NME7: variants seen among roughly 807,000 people sequenced by gnomAD.
The protein encoded by NME7 is NME/NM23 family member 7.
In NME7, 41 loss-of-function variants were observed where a neutral mutation model predicts 49.1. The observed-to-expected ratio is 0.83, with a 90% CI of 0.65 to 1.08. The LOEUF is 1.08. Ranked by LOEUF, NME7 falls within the 50% of genes least tolerant of loss-of-function variation. NME7 has a pLI of 0.00. For missense variants in NME7, 423 were observed against 463.4 expected, an observed-to-expected ratio of 0.91 and a Z score of 0.80; for synonymous variants, 139 against 150.6, an observed-to-expected ratio of 0.92 and a Z score of 0.56.
chr1:169,325,810 C>A (rs1367120263), intron 1 of NME7, among the ~76,000 whole-genome samples: 1 of 152,044 alleles, frequency 6.6e-6, no homozygotes, highest in Non-Finnish European at 1.5e-5. Flanking sequence ...ATTTTTCCCA[C>A]AATCATCCAA....
chr1:169,196,460 AT>A (rs1176137386), intron 10 of NME7, among the ~76,000 whole-genome samples: 4 of 152,118 alleles, frequency 2.6e-5, no homozygotes, highest in African/African-American at 9.7e-5. Flanking sequence ...GAGAAAAGGG[AT>A]TTTTTTGTGC....
rs114126193 is a variant in NME7, at chr1:169,249,420, T to C, written c.755-11733A>G. Among the ~76,000 whole-genome samples, 944 of 152,220 alleles carry C rather than the reference T, an allele frequency of 6.2e-3. 10 individuals carry two copies. Among genetic ancestry groups the C allele is most frequent in the African/African-American group, 0.021 (889 of 41,566 alleles). ...GTTTTCTAGGTATACAGTCATATTA[T>C]TCATGAACAGCAATAGCTTGATGTC... On this transcript the variant is annotated intron_variant, in intron 7 of 11. Coordinates refer to ENST00000367811, the MANE Select transcript of NME7 (RefSeq NM_013330.5).
chr1:169,213,498 C>T (rs1465613605), intron 10 of NME7, among the ~76,000 whole-genome samples: 3 of 151,966 alleles, frequency 2.0e-5, no homozygotes, highest in African/African-American at 2.4e-5. Context: ...TGTATTATTC[C>T]CCTTTAATAT....
intron 7 of NME7, chr1:169,284,297 C>A (rs894143054): frequency 3.3e-5 from 5 of 152,080 alleles, no homozygotes; most frequent in Non-Finnish European, 7.4e-5. Context: ...TCAGCTCCAT[C>A]AGGTCATTCA....
intron 10 of NME7, among the ~76,000 whole-genome samples, chr1:169,221,762 T>C (rs555561518): frequency 4.6e-5 from 7 of 152,096 alleles, no homozygotes; most frequent in African/African-American, 1.7e-4. Context: ...TCTCACTCTG[T>C]CAGTCAGGCT....
intron 1 of NME7, among the ~76,000 whole-genome samples, chr1:169,365,127 A>G (rs1331860263): frequency 6.6e-6 from 1 of 152,016 alleles, no homozygotes; most frequent in African/African-American, 2.4e-5. Flanking sequence ...TAGTCCTATG[A>G]CTCTCACCTA....
intron 1 of NME7, among the ~76,000 whole-genome samples, chr1:169,367,474 C>CTAACAG (rs1653917349): frequency 1.3e-5 from 2 of 152,288 alleles, no homozygotes; most frequent in Admixed American, 1.3e-4. Context: ...ATGCCTTACC[C>CTAACAG]TAAATTTTCT....
intron 1 of NME7, among the ~76,000 whole-genome samples, chr1:169,347,390 G>A (rs979907022): frequency 2.0e-5 from 3 of 152,070 alleles, no homozygotes; most frequent in African/African-American, 7.2e-5. Context: ...ATACATTCCA[G>A]GTAGACAAAA....
chr1:169,252,901 G>A (rs1648699014), intron 7 of NME7, among the ~76,000 whole-genome samples: 3 of 149,456 alleles, frequency 2.0e-5, no homozygotes, highest in Non-Finnish European at 4.4e-5. Context: ...TGAGGGCTCT[G>A]TTCTGTTCCA....
chr1:169,362,314 T>C (rs529338735), intron 1 of NME7, among the ~76,000 whole-genome samples: 27 of 152,360 alleles, frequency 1.8e-4, no homozygotes, highest in African/African-American at 6.3e-4. Flanking sequence ...AGTCCTTTAT[T>C]ACACTAACAG....
chr1:169,229,749 T>C (rs1417112195), intron 10 of NME7, among the ~76,000 whole-genome samples: 2 of 151,978 alleles, frequency 1.3e-5, no homozygotes, highest in Non-Finnish European at 1.5e-5. Context: ...TCACCTGAGG[T>C]CAGGAGTTCA....
intron 1 of NME7, among the ~76,000 whole-genome samples, chr1:169,328,494 G>A (rs1370718142): frequency 6.6e-6 from 1 of 152,102 alleles, no homozygotes; most frequent in East Asian, 1.9e-4. Context: ...CTGGATTTGT[G>A]ATGATGCAGC....
At chr1:169,292,156 T>C (rs571217432) in intron 6 of NME7, among the ~76,000 whole-genome samples, 2 of 152,288 alleles carry the variant, frequency 1.3e-5, no homozygotes, top group East Asian at 3.9e-4. Context: ...ATTGTGATCA[T>C]ACCTTGCACC....
At chr1:169,141,041 A>G (rs1163713283) in intron 11 of NME7, among the ~76,000 whole-genome samples, 1 of 152,296 alleles carries the variant, frequency 6.6e-6, no homozygotes, top group Admixed American at 6.5e-5. Flanking sequence ...ATTAACCCTA[A>G]TCTCATCTTT....
chr1:169,196,680 G>A (rs1288781832), intron 10 of NME7, among the ~76,000 whole-genome samples: 1 of 152,156 alleles, frequency 6.6e-6, no homozygotes, highest in African/African-American at 2.4e-5. Context: ...AATTCTAAAA[G>A]TATGTGATGT....
intron 11 of NME7, among the ~76,000 whole-genome samples, chr1:169,158,470 G>T (rs944111065): frequency 1.3e-5 from 2 of 151,558 alleles, no homozygotes; most frequent in African/African-American, 4.9e-5. Context: ...TATATTTTTG[G>T]GCCATGGTTG....
intron 3 of NME7, among the ~76,000 whole-genome samples, chr1:169,314,257 A>G (rs199724092): frequency 4.6e-5 from 7 of 151,360 alleles, no homozygotes; most frequent in Admixed American, 6.6e-5. Flanking sequence ...AGGTTCATGG[A>G]AAAAAAACAA....
intron 11 of NME7, among the ~76,000 whole-genome samples, chr1:169,137,426 A>G (rs1658464937): frequency 6.6e-6 from 1 of 152,248 alleles, no homozygotes; most frequent in South Asian, 2.1e-4. Flanking sequence ...TGCTTTTAAA[A>G]TAAGCAATGA....
chr1:169,325,558 C>T (rs982556865), intron 1 of NME7, among the ~76,000 whole-genome samples: 1 of 151,718 alleles, frequency 6.6e-6, no homozygotes, highest in Non-Finnish European at 1.5e-5. Context: ...GTAAAAATAC[C>T]CTCGCCCCAA....
Sources: gnomAD v4.1 joint callset for allele counts (sites outside exome capture counted in the v4.1 genomes callset) on GRCh38, gnomAD v4.1.1 for gene constraint, MANE v1.5 for transcripts, NCBI Gene and HGNC (gene_info 2026-07-23, HGNC 2026-07-21) for gene names.